ACACB: variants seen among roughly 807,000 people sequenced by gnomAD.
The protein encoded by ACACB is acetyl-CoA carboxylase 2.
Under a neutral mutation model 278.8 loss-of-function variants are expected in ACACB, and 209 were observed. The ratio of observed to expected loss-of-function variants is 0.75; its 90% CI spans 0.67 to 0.84. The LOEUF is 0.84. ACACB is among the 40% of genes least tolerant of loss of function. The pLI is 0.00. For synonymous variants in ACACB, 1,174 were observed against 1,285.6 expected (o/e 0.91, Z 1.86); for missense variants, 2,850 against 3,269.0 (o/e 0.87, Z 3.13).
intron 2 of ACACB, among the ~76,000 whole-genome samples, chr12:109,142,734 T>C (rs1182158369): frequency 6.6e-6 from 1 of 152,058 alleles, no homozygotes; most frequent in Non-Finnish European, 1.5e-5. Flanking sequence ...ACCTGGCTAA[T>C]TTTTGTATTT....
At chr12:109,253,894 C>A (rs2047159066) in intron 43 of ACACB, among the ~76,000 whole-genome samples, 1 of 152,162 alleles carries the variant, frequency 6.6e-6, no homozygotes, top group Admixed American at 6.5e-5. Flanking sequence ...CTTTTTCTTT[C>A]TTTTAAGATG....
At position 109,241,548 on chromosome 12, in the gene ACACB, A is replaced by G. The variant is rs544297589; in HGVS notation, c.5022+267A>G. On this transcript the variant is annotated intron_variant, in intron 36 of 52. Transcript: ENST00000338432. ...TTTTTGATAGAGACAAGGTGTCACCATATTGGCCAGGCTGGTCTCGAATTC... is the reference window on the plus strand; with the variant it reads ...TTTTTGATAGAGACAAGGTGTCACCGTATTGGCCAGGCTGGTCTCGAATTC... 2.1e-5 allele frequency: 9 copies of G among 434,198 alleles called. No individual in the cohort carries two copies. In the Admixed American group the frequency reaches 2.9e-4, roughly 14 times the overall value. The allele number at this position is 434,198 out of a possible 1,614,324, so 26.9% of individuals were successfully genotyped here.
chr12:109,120,264 T>A (rs1411988225), intron 1 of ACACB, among the ~76,000 whole-genome samples: 1 of 152,202 alleles, frequency 6.6e-6, no homozygotes, highest in Non-Finnish European at 1.5e-5. Flanking sequence ...CCAGGCTGCC[T>A]GTGGTTTACA....
At chr12:109,210,081 GTA>G (rs1198041890) in intron 21 of ACACB, among the ~76,000 whole-genome samples, 1 of 119,394 alleles carries the variant, frequency 8.4e-6, no homozygotes, top group African/African-American at 3.4e-5. Flanking sequence ...GTGTATATAT[GTA>G]TATATACACA....
At chr12:109,131,094 T>TGGAG (rs1565848332) in intron 1 of ACACB, among the ~76,000 whole-genome samples, 1 of 152,180 alleles carries the variant, frequency 6.6e-6, no homozygotes, top group Non-Finnish European at 1.5e-5. Flanking sequence ...TGTGGCAAGC[T>TGGAG]GGAGGGAGGT....
intron 2 of ACACB, among the ~76,000 whole-genome samples, chr12:109,156,769 T>C (rs1391092973): frequency 6.6e-6 from 1 of 152,000 alleles, no homozygotes; most frequent in Non-Finnish European, 1.5e-5. Context: ...GCAAAAATGG[T>C]TGGAAACCGT....
At chr12:109,216,575 A>G (rs1007973767) in intron 22 of ACACB, 43 bp from the exon 23 acceptor site, 7 of 1,567,364 alleles carry the variant, frequency 4.5e-6, no homozygotes, top group Non-Finnish European at 6.1e-6. Context: ...CAGGTACTCA[A>G]GGAAGGGTGT....
At chr12:109,260,198 G>T in intron 47 of ACACB, 1 of 1,420,668 alleles carries the variant, frequency 7.0e-7, no homozygotes, top group Non-Finnish European at 9.5e-7. Context: ...GGCAGGGACA[G>T]TCATGGGTGA....
In ACACB at chr12:109,245,873, G is replaced by C. The variant is rs928160322; in HGVS notation, c.5301+125G>C. The C allele has an allele frequency of 1.1e-4, 141 of 1,253,022 alleles. 2 individuals carry two copies. Among genetic ancestry groups the C allele is most frequent in the Admixed American group, 5.3e-5 (2 of 37,976 alleles). 77.6% of individuals were successfully genotyped at this position (1,253,022 alleles called of 1,614,324 possible). The stretch of plus-strand genomic sequence containing the variant: ...GGAGGCCAAGGTGGGTGGATCACTT[G>C]AGGTCAGAAGTTCAAGACCAGCCTG... On this transcript the variant is annotated intron_variant, in intron 38 of 52. Coordinates refer to ENST00000338432, the MANE Select transcript of ACACB (RefSeq NM_001093.4).
intron 19 of ACACB, among the ~76,000 whole-genome samples, chr12:109,203,175 A>G (rs1234372036): frequency 6.6e-6 from 1 of 152,172 alleles, no homozygotes; most frequent in Non-Finnish European, 1.5e-5. Flanking sequence ...TCCATCTGAT[A>G]GCATGTGGCA....
rs2046009581 is a variant in ACACB at position 109,216,687 on chromosome 12, T to G, written c.3420T>G (p.Val1140=). ...ATCTCCTGAGAAGATACTTGCGTGT[T>G]GAGCACCATTTTCAGCAAGGCAAGA... ...VLDLLRRYLR[V]EHHFQQAHYD... Residue 1140 remains valine, a synonymous_variant, in exon 23 of 53, where the codon GTT becomes GTG. Transcript: ENST00000338432. 2 of 1,614,080 alleles carry G rather than the reference T, an allele frequency of 1.2e-6. No individual in the cohort carries two copies. Among genetic ancestry groups the G allele is most frequent in the African/African-American group, 2.7e-5 (2 of 74,926 alleles).
chr12:109,193,497 C>T (rs564781540), intron 15 of ACACB, 151 bp from the exon 16 acceptor site: 20 of 628,666 alleles, frequency 3.2e-5, no homozygotes, highest in South Asian at 1.3e-4. Flanking sequence ...GGATTACAGG[C>T]GTGAGCCATT....
In ACACB at chr12:109,179,933, C is replaced by T. The variant is rs2044409530; in HGVS notation, c.1664C>T (p.Ala555Val). ...TCTTCACAGTGTGCCATCCGCCTGG[C>T]CAAGACCGTGGGCTATGTGAGTGCA... ...EFMEQCAIRL[A>V]KTVGYVSAGT... The change falls in exon 11 of 53, where the codon GCC becomes GTC. Residue 555 changes from alanine (A) to valine (V), a missense_variant. Transcript: ENST00000338432. 2 of 1,607,966 alleles carry T rather than the reference C, an allele frequency of 1.2e-6. No homozygotes were observed. The highest frequency in any genetic ancestry group is 8.5e-7 in the Non-Finnish European group (1 of 1,174,938).
At chr12:109,140,908 T>TTTTTTTG (rs2043107466) in intron 2 of ACACB, among the ~76,000 whole-genome samples, 1 of 136,440 alleles carries the variant, frequency 7.3e-6, no homozygotes, top group Non-Finnish European at 1.5e-5. Context: ...TTTTTTTTTT[T>TTTTTTTG]TTTTTTGAGA....
At chr12:109,148,546 C>G (rs1375347367) in intron 2 of ACACB, among the ~76,000 whole-genome samples, 1 of 152,160 alleles carries the variant, frequency 6.6e-6, no homozygotes, top group Non-Finnish European at 1.5e-5. Context: ...GCAGCAAAAC[C>G]TGTCCTGAAT....
rs199938512 is a variant in ACACB at position 109,265,487 on chromosome 12, G to C, written c.7212G>C (p.Thr2404=). The C allele has an allele frequency of 4.3e-6, 7 of 1,613,682 alleles. No homozygotes were observed. Among genetic ancestry groups the C allele is most frequent in the Non-Finnish European group, 5.9e-6 (7 of 1,179,934 alleles). ...GCTCCACCATCCGTGAGAACATCACGTACCTGAAGCACGACTCTGTCCTCA... is the reference window on the plus strand; with the variant it reads ...GCTCCACCATCCGTGAGAACATCACCTACCTGAAGCACGACTCTGTCCTCA... ...GPRSTIRENI[T]YLKHDSVLKT... is the part of the protein sequence containing the mutation. Residue 2404 remains threonine (T), a synonymous_variant, in exon 52 of 53, where the codon ACG becomes ACC. Transcript: ENST00000338432.
In ACACB at chr12:109,144,750, C is replaced by CTTTTTTTTTTTTTTTTTT. The variant is rs770963307; in HGVS notation, c.653+4695_653+4696insTTTTTTTTTTTTTTTTTT. On this transcript the variant is annotated intron_variant, in intron 2 of 52. Transcript: ENST00000338432. ...TCTTTCTTTTTCTTTTTCTTTCTTT[C>CTTTTTTTTTTTTTTTTTT]TTTCTTTTTTTTTTTTTTTTTTGAG... 3.6e-4 allele frequency among the ~76,000 whole-genome samples: 31 copies of CTTTTTTTTTTTTTTTTTT among 86,780 alleles called. 1 individual carries two copies. The highest frequency in any genetic ancestry group is 4.5e-4 in the African/African-American group (10 of 22,188). 56.9% of individuals were successfully genotyped at this position (86,780 alleles called of 152,430 possible). A position where few individuals can be genotyped will look rare whatever the true frequency, so the allele number is the denominator to read the frequency against.
At chr12:109,227,069 G>C (rs890141530) in intron 27 of ACACB, among the ~76,000 whole-genome samples, 2 of 151,892 alleles carry the variant, frequency 1.3e-5, no homozygotes, top group East Asian at 1.9e-4. Flanking sequence ...TCCCACCTCA[G>C]CCTCCCGAGT....
At chr12:109,209,073 G>T in intron 20 of ACACB, 92 bp from the exon 21 acceptor site, 1 of 1,405,792 alleles carries the variant, frequency 7.1e-7, no homozygotes. Context: ...CATGGGGTCA[G>T]GATGGGTTGA....
Sources: allele counts gnomAD v4.1 joint callset (sites outside exome capture counted in the v4.1 genomes callset), GRCh38; gene constraint gnomAD v4.1.1; transcripts MANE v1.5; gene names NCBI Gene and HGNC (gene_info 2026-07-23, HGNC 2026-07-21).